SIPA1L1: variants seen among roughly 807,000 people sequenced by gnomAD.
SIPA1L1 encodes the protein signal induced proliferation associated 1 like 1, also known as signal-induced proliferation-associated 1-like protein 1.
In SIPA1L1, 26 loss-of-function variants were observed where a neutral mutation model predicts 162.7. That is an observed-to-expected ratio of 0.16 (90% CI 0.12 to 0.22). The LOEUF is 0.22. SIPA1L1 is among the 10% of genes least tolerant of loss of function. The pLI is 1.00. For synonymous variants in SIPA1L1, 829 were observed against 837.4 expected (o/e 0.99, Z 0.17); for missense variants, 1,874 against 2,241.0 (o/e 0.84, Z 3.31).
At chr14:71,664,733 C>A (rs2043845349) in intron 10 of SIPA1L1, among the ~76,000 whole-genome samples, 2 of 152,186 alleles carry the variant, frequency 1.3e-5, no homozygotes, top group Admixed American at 1.3e-4. Flanking sequence ...ACCATGAACA[C>A]ACATATTTAT....
At position 71,588,097 on chromosome 14, in the gene SIPA1L1, G is replaced by T. The variant is rs2034833820; in HGVS notation, c.225G>T (p.Gly75=). 2 of 1,614,110 alleles carry T rather than the reference G, an allele frequency of 1.2e-6. No individual in the cohort carries two copies. The highest frequency in any genetic ancestry group is 1.7e-6 in the Non-Finnish European group (2 of 1,179,996). The stretch of plus-strand genomic sequence containing the variant: ...CAACCCCCGGAGTCCCAAAAATGGG[G>T]GTAAGGGCAAGGATTGCAGATTGGC... ...ITSTPGVPKM[G]VRARIADWPP... The change falls in exon 5 of 24, where the codon GGG becomes GGT. Residue 75 remains glycine (G), a synonymous_variant. Transcript: ENST00000381232. This position sits in a 1 kb window ranked among gnomAD's most constrained non-coding sequence, Gnocchi z 4.3.
At chr14:71,435,212 C>G (rs1210801965) in intron 2 of SIPA1L1, among the ~76,000 whole-genome samples, 2 of 151,922 alleles carry the variant, frequency 1.3e-5, no homozygotes, top group African/African-American at 4.8e-5. Context: ...TTCTAGGGTA[C>G]ATGTGCACAA....
chr14:71,657,673 T>C (rs1434685577), intron 8 of SIPA1L1, among the ~76,000 whole-genome samples: 1 of 116,714 alleles, frequency 8.6e-6, no homozygotes, highest in Non-Finnish European at 1.9e-5. Context: ...TAAATTATTG[T>C]CTTTTTTTTT....
intron 2 of SIPA1L1, among the ~76,000 whole-genome samples, chr14:71,441,852 A>G (rs2044883303): frequency 1.3e-5 from 2 of 152,138 alleles, no homozygotes; most frequent in South Asian, 2.1e-4. Context: ...TTTAGATAAT[A>G]AAATAACCAT....
At chr14:71,641,671 C>T (rs890221381) in intron 7 of SIPA1L1, among the ~76,000 whole-genome samples, 1 of 152,108 alleles carries the variant, frequency 6.6e-6, no homozygotes. Context: ...TGCAGTGAGC[C>T]GAGATGGAGC....
At chr14:71,670,425 T>A (rs2044403165) in intron 10 of SIPA1L1, among the ~76,000 whole-genome samples, 1 of 152,170 alleles carries the variant, frequency 6.6e-6, no homozygotes, top group African/African-American at 2.4e-5. Context: ...ATTATCAGAA[T>A]AAAATACCAA....
At chr14:71,368,034 C>T (rs898622685) in intron 2 of SIPA1L1, among the ~76,000 whole-genome samples, 2 of 150,104 alleles carry the variant, frequency 1.3e-5, no homozygotes, top group African/African-American at 2.5e-5. Flanking sequence ...TTACTCAAGT[C>T]AGAATAGAAC....
intron 2 of SIPA1L1, chr14:71,330,274 C>T (rs567983141): frequency 2.8e-6 from 2 of 708,836 alleles, no homozygotes; most frequent in South Asian, 3.0e-5. Context: ...GAAGTGGCTC[C>T]CCTGAAGTCT....
At chr14:71,637,208 CAAAG>C (rs955057765) in intron 7 of SIPA1L1, among the ~76,000 whole-genome samples, 3 of 151,242 alleles carry the variant, frequency 2.0e-5, no homozygotes, top group Admixed American at 6.6e-5. Context: ...ACAAGACTGA[CAAAG>C]AAAAACAGAC....
At chr14:71,379,207 A>G (rs1350096848) in intron 2 of SIPA1L1, among the ~76,000 whole-genome samples, 1 of 150,440 alleles carries the variant, frequency 6.6e-6, no homozygotes, top group Non-Finnish European at 1.5e-5. Flanking sequence ...CCTTTTTTTC[A>G]TATTTTTCTG....
intron 17 of SIPA1L1, among the ~76,000 whole-genome samples, chr14:71,713,250 A>G (rs147119536): frequency 6.6e-6 from 1 of 152,360 alleles, no homozygotes; most frequent in East Asian, 1.9e-4. Context: ...CCAGTTCAAA[A>G]GTTACATAAA....
chr14:71,469,815 C>A (rs1168624974), intron 2 of SIPA1L1, among the ~76,000 whole-genome samples: 1 of 152,076 alleles, frequency 6.6e-6, no homozygotes. Flanking sequence ...TTAGTTGTTT[C>A]CAATAAAAAC....
intron 4 of SIPA1L1, among the ~76,000 whole-genome samples, chr14:71,551,020 G>A (rs2055775934): frequency 6.6e-6 from 1 of 152,186 alleles, no homozygotes; most frequent in Non-Finnish European, 1.5e-5. Context: ...CACGCTGTTT[G>A]TTCATATCCT....
chr14:71,627,627 A>T (rs1366621672), intron 7 of SIPA1L1, among the ~76,000 whole-genome samples: 1 of 152,218 alleles, frequency 6.6e-6, no homozygotes, highest in East Asian at 1.9e-4. Flanking sequence ...TCATGATAAA[A>T]ACAAATGAAA....
At chr14:71,435,824 C>G (rs1004817907) in intron 2 of SIPA1L1, among the ~76,000 whole-genome samples, 1 of 152,216 alleles carries the variant, frequency 6.6e-6, no homozygotes, top group African/African-American at 2.4e-5. Flanking sequence ...TCTCCACATC[C>G]TCTCCAGCAC....
intron 20 of SIPA1L1, 130 bp downstream of exon 20, chr14:71,730,431 C>A (rs1034480214): frequency 9.4e-7 from 1 of 1,064,274 alleles, no homozygotes; most frequent in Non-Finnish European, 1.4e-6. Context: ...CTCACCCGCC[C>A]CTTCCTCATT....
intron 12 of SIPA1L1, among the ~76,000 whole-genome samples, chr14:71,676,197 G>T (rs2045156540): frequency 6.6e-6 from 1 of 151,622 alleles, no homozygotes; most frequent in Non-Finnish European, 1.5e-5. Context: ...GGGGGCTGAG[G>T]TAGGAGAATC....
At chr14:71,468,181 C>G (rs10149677) in intron 2 of SIPA1L1, among the ~76,000 whole-genome samples, 2,061 of 152,146 alleles carry the variant, frequency 0.014, 42 homozygotes, top group African/African-American at 0.047. Context: ...TCTAGACCCT[C>G]TAAGGCAGAC....
intron 2 of SIPA1L1, among the ~76,000 whole-genome samples, chr14:71,419,375 G>A (rs1205707407): frequency 6.6e-6 from 1 of 150,528 alleles, no homozygotes; most frequent in Non-Finnish European, 1.5e-5. Flanking sequence ...CTGTCTTTGT[G>A]TAGGGACTTT....
Sources: allele counts gnomAD v4.1 joint callset (sites outside exome capture counted in the v4.1 genomes callset), GRCh38; gene constraint gnomAD v4.1.1; non-coding constraint Gnocchi (gnomAD v3.1); transcripts MANE v1.5; gene names NCBI Gene and HGNC (gene_info 2026-07-23, HGNC 2026-07-21).